Variants in SNX2 observed in about 807,000 individuals in gnomAD.
The protein encoded by SNX2 is sorting nexin-2.
In SNX2, 25 loss-of-function variants were observed where a neutral mutation model predicts 69.9. That is an observed-to-expected ratio of 0.36 (90% CI 0.26 to 0.50). The LOEUF (loss-of-function observed/expected upper bound fraction) is 0.50. Among genes scored for constraint, SNX2 ranks in the 20% least tolerant of loss-of-function variants. SNX2 has a pLI of 0.97. For synonymous variants in SNX2, 229 were observed against 200.4 expected (o/e 1.14, Z -1.20); for missense variants, 551 against 613.3 (o/e 0.90, Z 1.07).
intron 1 of SNX2, among the ~76,000 whole-genome samples, chr5:122,785,145 ATCT>A (rs1447983790): frequency 6.6e-6 from 1 of 151,542 alleles, no homozygotes; most frequent in Non-Finnish European, 1.5e-5. Flanking sequence ...TCCTCTTAGG[ATCT>A]TCTCAAACAA....
At chr5:122,829,576 A>T (rs143917599) in intron 14 of SNX2, 22 bp from the exon 15 acceptor site, 14 of 1,591,830 alleles carry the variant, frequency 8.8e-6, no homozygotes, top group Non-Finnish European at 1.2e-5. Flanking sequence ...AGAATAACTT[A>T]TATTTTAATT....
rs761992076 is a variant in SNX2, at chr5:122,816,918, C to A, written c.802C>A (p.Pro268Thr). Residue 268 changes from proline to threonine, a missense_variant, in exon 9 of 15, where the codon CCT becomes ACT. Physicochemically the swap from Pro to Thr is conservative, Grantham distance 38. This residue lies in a region of SNX2 where 360 missense variants were observed against 450.4 expected (regional missense o/e 0.80). Transcript: ENST00000379516. ...CTTATTTGTCATTCAATTCCAGCTG[C>A]CTAGAGCAGTTAATACACAGGCTCT... Reference protein sequence around the residue: ...LRQFLESSELPRAVNTQALSG... With the variant: ...LRQFLESSELTRAVNTQALSG... 18 of 1,605,582 alleles carry A rather than the reference C, an allele frequency of 1.1e-5. No homozygotes were observed. Among genetic ancestry groups the A allele is most frequent in the Non-Finnish European group, 8.5e-7 (1 of 1,173,046 alleles).
At chr5:122,823,319 CGAA>C (rs1410023072) in intron 11 of SNX2, among the ~76,000 whole-genome samples, 7 of 150,054 alleles carry the variant, frequency 4.7e-5, no homozygotes, top group Non-Finnish European at 7.4e-5. Flanking sequence ...AGAAAACAAA[CGAA>C]GAAAAAGTTA....
At chr5:122,774,996 A>T, upstream of SNX2, 1 of 1,110,356 alleles carries the variant, frequency 9.0e-7, no homozygotes. Context: ...GGGCCTTGAG[A>T]GGCCGGCCGG....
At chr5:122,802,813 T>G (rs1008896165) in intron 5 of SNX2, among the ~76,000 whole-genome samples, 2 of 152,120 alleles carry the variant, frequency 1.3e-5, no homozygotes, top group African/African-American at 4.8e-5. Context: ...GCAAAATAAG[T>G]GGCTTCTTGA....
intron 1 of SNX2, among the ~76,000 whole-genome samples, chr5:122,789,460 CACAGACACACACGG>C (rs1561445822): frequency 1.0e-4 from 6 of 57,302 alleles, no homozygotes; most frequent in African/African-American, 5.1e-4. Context: ...CACACACACA[CACAGACACACACGG>C]ACACACACAC....
In SNX2 at chr5:122,817,392, T is replaced by C; in HGVS notation, c.1006+19T>C. The C allele has an allele frequency of 6.7e-7, 1 of 1,490,628 alleles. No individual in the cohort carries two copies. The highest frequency in any genetic ancestry group is 9.3e-7 in the Non-Finnish European group (1 of 1,070,406). 92.3% of individuals were successfully genotyped at this position (1,490,628 alleles called of 1,614,324 possible). A position where few individuals can be genotyped will look rare whatever the true frequency, so the allele number is the denominator to read the frequency against. ...AGAAAAGGTTTGTTTGCCTTACTAC[T>C]TACGTAGTTAGCACCATAAAACTAA... On this transcript the variant is annotated intron_variant, in intron 10 of 14. Transcript: ENST00000379516.
intron 1 of SNX2, among the ~76,000 whole-genome samples, chr5:122,785,825 C>T (rs1316435297): frequency 6.6e-6 from 1 of 152,036 alleles, no homozygotes; most frequent in East Asian, 1.9e-4. Flanking sequence ...GTTCTGTGTG[C>T]ACTTTTGAAA....
At chr5:122,777,234 A>G (rs1752875934) in intron 1 of SNX2, among the ~76,000 whole-genome samples, 1 of 152,182 alleles carries the variant, frequency 6.6e-6, no homozygotes, top group Non-Finnish European at 1.5e-5. Flanking sequence ...CTTCATGTTT[A>G]ATAAGTGTTC....
At chr5:122,783,699 G>A (rs1753024144) in intron 1 of SNX2, among the ~76,000 whole-genome samples, 2 of 152,142 alleles carry the variant, frequency 1.3e-5, no homozygotes, top group African/African-American at 4.8e-5. Flanking sequence ...TTGAAATCAA[G>A]TCGAATGACT....
intron 7 of SNX2, 66 bp downstream of exon 7, chr5:122,808,421 A>T (rs977524685): frequency 2.0e-5 from 23 of 1,178,754 alleles, no homozygotes; most frequent in Non-Finnish European, 2.8e-5. Flanking sequence ...TAATTCCATT[A>T]TATGGCAAAA....
intron 1 of SNX2, among the ~76,000 whole-genome samples, chr5:122,789,414 GC>G (rs1753167743): frequency 6.7e-6 from 1 of 148,206 alleles, no homozygotes; most frequent in Non-Finnish European, 1.5e-5. Flanking sequence ...TTACAAGACC[GC>G]CCCACCTTCC....
intron 1 of SNX2, among the ~76,000 whole-genome samples, chr5:122,780,574 TTC>T (rs550309894): frequency 0.031 from 4,039 of 131,434 alleles, 95 homozygotes; most frequent in East Asian, 0.04. Flanking sequence ...TTCTTTTCTT[TTC>T]TTTTTTTTTT....
intron 6 of SNX2, among the ~76,000 whole-genome samples, chr5:122,804,645 G>A (rs951160550): frequency 2.6e-5 from 4 of 152,018 alleles, no homozygotes; most frequent in Non-Finnish European, 5.9e-5. Flanking sequence ...GGGATTAGAC[G>A]TGAGCCACTG....
Position 122,829,906 on chromosome 5 carries a change from A to C in SNX2, c.*258A>C, listed in dbSNP as rs1222616635. On this transcript the variant is annotated 3_prime_UTR_variant, in exon 15 of 15. Transcript: ENST00000379516. Reference sequence around the variant, plus strand: ...GCAATACTTTGCTGAATTGAACACTATTGTGTCTTAAATACTTGCACTAAA... The same window carrying C: ...GCAATACTTTGCTGAATTGAACACTCTTGTGTCTTAAATACTTGCACTAAA... The C allele has an allele frequency of 8.1e-6, 4 of 495,438 alleles. No individual in the cohort carries two copies. Among genetic ancestry groups the C allele is most frequent in the Admixed American group, 7.0e-5 (2 of 28,722 alleles). The allele number at this position is 495,438 out of a possible 1,614,324, so 30.7% of individuals were successfully genotyped here.
chr5:122,804,456 C>T (rs1456625442), intron 6 of SNX2, among the ~76,000 whole-genome samples: 1 of 150,832 alleles, frequency 6.6e-6, no homozygotes, highest in Admixed American at 6.6e-5. Flanking sequence ...ACCTCCGCCT[C>T]CTGGGTTTAA....
chr5:122,787,497 G>C (rs1222893894), intron 1 of SNX2, among the ~76,000 whole-genome samples: 1 of 152,034 alleles, frequency 6.6e-6, no homozygotes, highest in Non-Finnish European at 1.5e-5. Context: ...ACCAGCCTGG[G>C]GGACAGAGCA....
chr5:122,784,348 T>A (rs1272386667), intron 1 of SNX2, among the ~76,000 whole-genome samples: 1 of 151,974 alleles, frequency 6.6e-6, no homozygotes, highest in East Asian at 1.9e-4. Flanking sequence ...TTTTGTTTTT[T>A]TTAATGAGCT....
chr5:122,825,699 G>A (rs910147509), intron 11 of SNX2, among the ~76,000 whole-genome samples: 2 of 151,948 alleles, frequency 1.3e-5, no homozygotes, highest in East Asian at 1.9e-4. Context: ...AAAATTTCCA[G>A]TGTAGGTATG....
Sources: gnomAD v4.1 joint callset for allele counts (sites outside exome capture counted in the v4.1 genomes callset) on GRCh38, gnomAD v4.1.1 for gene constraint, gnomAD v4.1.1 regional missense constraint, MANE v1.5 for transcripts, NCBI Gene and HGNC (gene_info 2026-07-23, HGNC 2026-07-21) for gene names.